CUBN: variants seen among roughly 807,000 people sequenced by gnomAD.
CUBN encodes the protein cubilin, also known as 460 kDa receptor.
In CUBN, 282 loss-of-function variants were observed where a neutral mutation model predicts 405.3. The observed-to-expected ratio is 0.70, with a 90% CI of 0.63 to 0.77. The LOEUF (loss-of-function observed/expected upper bound fraction) is 0.77. CUBN is among the 30% of genes least tolerant of loss of function. The probability of loss-of-function intolerance (pLI) is 0.00; values close to 1 mark genes in which losing one functional copy is unlikely to be tolerated. For missense variants in CUBN, 4,514 were observed against 4,475.2 expected, an observed-to-expected ratio of 1.01 and a Z score of -0.25; for synonymous variants, 1,684 against 1,617.0, an observed-to-expected ratio of 1.04 and a Z score of -0.99.
chr10:16,909,763 A>G (rs1841668090), intron 48 of CUBN, among the ~76,000 whole-genome samples: 1 of 152,250 alleles, frequency 6.6e-6, no homozygotes, highest in Admixed American at 6.5e-5. Context: ...TTTTGTACTT[A>G]GAAACTACAA....
intron 27 of CUBN, among the ~76,000 whole-genome samples, chr10:17,023,324 G>A (rs368796970): frequency 6.6e-6 from 1 of 150,992 alleles, no homozygotes; most frequent in African/African-American, 2.4e-5. Context: ...TTATGAAAAT[G>A]CTTAAATATA....
chr10:17,012,422 C>A (rs1169495314), intron 28 of CUBN, among the ~76,000 whole-genome samples: 1 of 152,196 alleles, frequency 6.6e-6, no homozygotes, highest in Non-Finnish European at 1.5e-5. Flanking sequence ...CAAAGTCCTC[C>A]TTTCTCAGCA....
intron 28 of CUBN, among the ~76,000 whole-genome samples, chr10:17,012,407 A>C (rs1313264911): frequency 6.6e-6 from 1 of 152,220 alleles, no homozygotes; most frequent in Non-Finnish European, 1.5e-5. Context: ...TTCCCAAAGA[A>C]GGTGCAAAGT....
intron 21 of CUBN, among the ~76,000 whole-genome samples, chr10:17,066,100 G>A (rs1835609041): frequency 6.6e-6 from 1 of 152,106 alleles, no homozygotes; most frequent in South Asian, 2.1e-4. Context: ...GTTGTTTTGA[G>A]AATGTGATGA....
intron 27 of CUBN, among the ~76,000 whole-genome samples, chr10:17,032,755 T>C (rs1484434753): frequency 1.3e-5 from 2 of 152,206 alleles, no homozygotes; most frequent in Non-Finnish European, 2.9e-5. Context: ...TTCCTCAGAA[T>C]GTTCTATGGA....
intron 31 of CUBN, among the ~76,000 whole-genome samples, chr10:16,967,443 T>C (rs1049160648): frequency 5.9e-5 from 9 of 152,212 alleles, no homozygotes; most frequent in Non-Finnish European, 1.2e-4. Context: ...CAAACCCGTG[T>C]CCACAGATTG....
chr10:16,908,825 A>G (rs114078300), intron 48 of CUBN, among the ~76,000 whole-genome samples: 1,629 of 151,954 alleles, frequency 0.011, 28 homozygotes, highest in African/African-American at 0.037. Flanking sequence ...TATGGCACTA[A>G]CAGTTATGCA....
chr10:16,854,769 C>T (rs920055899), intron 59 of CUBN, among the ~76,000 whole-genome samples: 1 of 152,150 alleles, frequency 6.6e-6, no homozygotes, highest in Non-Finnish European at 1.5e-5. Context: ...ATTACACACA[C>T]TTATTATGTA....
chr10:17,095,477 TA>T (rs1564513503), intron 14 of CUBN, among the ~76,000 whole-genome samples: 1 of 151,916 alleles, frequency 6.6e-6, no homozygotes, highest in African/African-American at 2.4e-5. Context: ...AGAAAACATA[TA>T]AATGGTCAAC....
chr10:16,987,916 A>G (rs1374991931), intron 29 of CUBN, among the ~76,000 whole-genome samples: 2 of 152,136 alleles, frequency 1.3e-5, no homozygotes, highest in Non-Finnish European at 2.9e-5. Context: ...AGTCCCCCAA[A>G]CCCTGCTTTT....
intron 59 of CUBN, among the ~76,000 whole-genome samples, chr10:16,853,211 A>G (rs1839770590): frequency 6.6e-6 from 1 of 152,238 alleles, no homozygotes; most frequent in Non-Finnish European, 1.5e-5. Flanking sequence ...TTTGAAAGAA[A>G]TGGTGAAATA....
chr10:17,074,359 G>T (rs1835806267), intron 17 of CUBN, among the ~76,000 whole-genome samples: 1 of 152,040 alleles, frequency 6.6e-6, no homozygotes, highest in African/African-American at 2.4e-5. Context: ...GCAATCATGG[G>T]GCATTACTGG....
At chr10:16,862,160 T>TCACACACACACACACACA (rs66664283) in intron 59 of CUBN, among the ~76,000 whole-genome samples, 1 of 131,164 alleles carries the variant, frequency 7.6e-6, no homozygotes, top group African/African-American at 3.3e-5. Flanking sequence ...TCTCTCTCTC[T>TCACACACACACACACACA]CACACACACA....
At chr10:17,077,695 G>A (rs1367759116) in intron 17 of CUBN, among the ~76,000 whole-genome samples, 1 of 152,170 alleles carries the variant, frequency 6.6e-6, no homozygotes. Context: ...GCTAAGTAAA[G>A]ACTGGACCTT....
At chr10:16,840,309 C>T in intron 62 of CUBN, 21 bp downstream of exon 62, 3 of 1,594,960 alleles carry the variant, frequency 1.9e-6, no homozygotes, top group Non-Finnish European at 2.6e-6. Flanking sequence ...ATGTGACTGC[C>T]ATTCATCTTA....
intron 29 of CUBN, 74 bp downstream of exon 29, chr10:16,990,260 G>T: frequency 7.2e-7 from 1 of 1,393,314 alleles, no homozygotes; most frequent in Non-Finnish European, 1.0e-6. Flanking sequence ...GAAAGAATTC[G>T]GAATCTTGGC....
intron 37 of CUBN, among the ~76,000 whole-genome samples, 187 bp downstream of exon 37, chr10:16,939,845 T>C (rs1842606825): frequency 6.6e-6 from 1 of 152,220 alleles, no homozygotes; most frequent in Non-Finnish European, 1.5e-5. Context: ...TGCTCTCCCT[T>C]GCCCTTATTG....
chr10:17,106,597 CAAAAA>C, intron 10 of CUBN, among the ~76,000 whole-genome samples: 1 of 111,156 alleles, frequency 9.0e-6, no homozygotes, highest in Non-Finnish European at 1.8e-5. Context: ...AACGCCATCT[CAAAAA>C]AAAAAAAAAA....
chr10:16,870,136 G>C (rs1432874083), intron 58 of CUBN, among the ~76,000 whole-genome samples: 1 of 152,118 alleles, frequency 6.6e-6, no homozygotes. Context: ...ACAGTCTAGG[G>C]CATATTAAAG....
Sources: allele counts gnomAD v4.1 joint callset (sites outside exome capture counted in the v4.1 genomes callset), GRCh38; gene constraint gnomAD v4.1.1; transcripts MANE v1.5; gene names NCBI Gene and HGNC (gene_info 2026-07-23, HGNC 2026-07-21).